GNB1L: variants seen among roughly 807,000 people sequenced by gnomAD.
GNB1L encodes guanine nucleotide-binding protein subunit beta-like protein 1.
In GNB1L, 20 loss-of-function variants were observed where a neutral mutation model predicts 29.1. The ratio of observed to expected loss-of-function variants is 0.69; its 90% CI spans 0.48 to 1.00. The LOEUF (loss-of-function observed/expected upper bound fraction) is 1.00. Among genes scored for constraint, GNB1L ranks in the 50% least tolerant of loss-of-function variants. GNB1L has a pLI of 0.00. For synonymous variants in GNB1L, 193 were observed against 206.5 expected (o/e 0.93, Z 0.56); for missense variants, 421 against 464.9 (o/e 0.91, Z 0.87).
intron 7 of GNB1L, among the ~76,000 whole-genome samples, chr22:19,798,660 C>T (rs1003825372): frequency 4.6e-5 from 7 of 152,164 alleles, no homozygotes; most frequent in Non-Finnish European, 7.4e-5. Flanking sequence ...ACCAGCCAGG[C>T]GGCCACTGCC....
intron 2 of GNB1L, among the ~76,000 whole-genome samples, chr22:19,835,747 C>A (rs1200996988): frequency 6.6e-6 from 1 of 151,968 alleles, no homozygotes; most frequent in Non-Finnish European, 1.5e-5. Flanking sequence ...AACTGGAAAT[C>A]AATAACAGCA....
At chr22:19,853,728 G>C (rs1231849640) in intron 2 of GNB1L, among the ~76,000 whole-genome samples, 2 of 151,746 alleles carry the variant, frequency 1.3e-5, no homozygotes, top group Non-Finnish European at 2.9e-5. Context: ...TGGGGGGGGG[G>C]TCTTCACCTG....
chr22:19,827,735 C>A (rs1242004890), intron 2 of GNB1L, among the ~76,000 whole-genome samples: 1 of 152,176 alleles, frequency 6.6e-6, no homozygotes, highest in Non-Finnish European at 1.5e-5. Context: ...TTCTACCATG[C>A]TAGAAGGAGC....
intron 2 of GNB1L, chr22:19,851,846 A>G: frequency 6.2e-7 from 1 of 1,613,992 alleles, no homozygotes; most frequent in Non-Finnish European, 8.5e-7. Context: ...GATCTCGCAG[A>G]CACGGCTGAT....
chr22:19,851,561 A>G, intron 2 of GNB1L: 1 of 1,612,786 alleles, frequency 6.2e-7, no homozygotes. Context: ...GGCGGCTGGT[A>G]AAGACCTGGG....
At chr22:19,821,396 TGTGA>T in intron 2 of GNB1L, 21 bp from the exon 3 acceptor site, 1 of 1,604,038 alleles carries the variant, frequency 6.2e-7, no homozygotes, top group Non-Finnish European at 8.5e-7. Flanking sequence ...AGGGAGGGCG[TGTGA>T]GTGACTGCGT....
intron 2 of GNB1L, among the ~76,000 whole-genome samples, chr22:19,825,536 A>T (rs1937613577): frequency 6.8e-6 from 1 of 147,702 alleles, no homozygotes; most frequent in Admixed American, 6.7e-5. Context: ...GTGGGAGGAT[A>T]GCTTGAGCCC....
chr22:19,801,324 C>T (rs1351570420), intron 7 of GNB1L, among the ~76,000 whole-genome samples: 1 of 152,186 alleles, frequency 6.6e-6, no homozygotes, highest in East Asian at 1.9e-4. Context: ...CTCTGCAGCC[C>T]CTGAGACTTG....
chr22:19,843,558 C>G (rs1429917236), intron 2 of GNB1L, among the ~76,000 whole-genome samples: 2 of 152,326 alleles, frequency 1.3e-5, no homozygotes, highest in East Asian at 3.9e-4. Context: ...GGTATGCCCC[C>G]CAAGAACTCC....
At chr22:19,851,887 C>T (rs1569058583) in intron 2 of GNB1L, 12 of 1,614,060 alleles carry the variant, frequency 7.4e-6, no homozygotes, top group Non-Finnish European at 8.5e-6. Flanking sequence ...AGTGGAAGGA[C>T]ATGTAATCGC....
intron 7 of GNB1L, among the ~76,000 whole-genome samples, chr22:19,798,855 G>A (rs1414605090): frequency 2.6e-5 from 4 of 152,254 alleles, no homozygotes; most frequent in Non-Finnish European, 5.9e-5. Flanking sequence ...CTGAAGAAGA[G>A]GAGGACTGGT....
At chr22:19,849,369 GTTGTT>G (rs1938039717) in intron 2 of GNB1L, 5 of 864,346 alleles carry the variant, frequency 5.8e-6, no homozygotes, top group Non-Finnish European at 5.5e-6. Flanking sequence ...TTTGTTTTTT[GTTGTT>G]TTTTTTTTTT....
chr22:19,801,848 C>T (rs962404962), intron 7 of GNB1L, among the ~76,000 whole-genome samples, 153 bp downstream of exon 7: 26 of 152,178 alleles, frequency 1.7e-4, no homozygotes, highest in Non-Finnish European at 1.5e-4. Context: ...CTTCTTCCTG[C>T]GCCAGCCATG....
chr22:19,806,279 C>T (rs1380002437), intron 6 of GNB1L, among the ~76,000 whole-genome samples: 1 of 152,256 alleles, frequency 6.6e-6, no homozygotes, highest in African/African-American at 2.4e-5. Flanking sequence ...AGGCTTGCTG[C>T]AGTTAGTCAG....
chr22:19,827,291 T>C (rs540113673), intron 2 of GNB1L, among the ~76,000 whole-genome samples: 2 of 152,300 alleles, frequency 1.3e-5, no homozygotes, highest in South Asian at 4.1e-4. Context: ...TCTCTACCTA[T>C]CTATGTATGA....
At position 19,785,062 on chromosome 22, in the gene GNB1L, T is replaced by G. The variant is rs1210897838; in HGVS notation, c.*3647A>C. Reference sequence around the variant, plus strand: ...GCCCTGAGCAGAGGACCAGCTACGTTGTGCCCGTGCCTCGACACATGGAAA... The same window carrying G: ...GCCCTGAGCAGAGGACCAGCTACGTGGTGCCCGTGCCTCGACACATGGAAA... On this transcript the variant is annotated 3_prime_UTR_variant, in exon 8 of 8. Coordinates refer to ENST00000329517, the MANE Select transcript of GNB1L (RefSeq NM_053004.3). This position sits in a 1 kb window ranked among gnomAD's most constrained non-coding sequence, Gnocchi z 4.1. 6.6e-6 allele frequency: 1 copy of G among 152,234 alleles called. No homozygotes were observed. Among genetic ancestry groups the G allele is most frequent in the Non-Finnish European group, 1.5e-5 (1 of 68,072 alleles). 9.4% of individuals were successfully genotyped at this position (152,234 alleles called of 1,614,324 possible).
intron 2 of GNB1L, chr22:19,852,306 T>A (rs1343336221): frequency 1.9e-6 from 3 of 1,561,126 alleles, no homozygotes; most frequent in Non-Finnish European, 2.6e-6. Flanking sequence ...CACTGGTGGG[T>A]GGTGGGGGTG....
chr22:19,805,392 C>T (rs543523275), intron 6 of GNB1L, among the ~76,000 whole-genome samples: 51 of 152,338 alleles, frequency 3.3e-4, no homozygotes, highest in African/African-American at 1.2e-3. Flanking sequence ...CAGGCCCATC[C>T]GGTCTCGCTC....
intron 5 of GNB1L, among the ~76,000 whole-genome samples, chr22:19,808,203 G>A (rs1273853320): frequency 3.3e-5 from 5 of 152,290 alleles, no homozygotes; most frequent in Middle Eastern, 3.4e-3. Flanking sequence ...CACAGATCTA[G>A]GCCCCACACA....
Sources: allele counts gnomAD v4.1 joint callset (sites outside exome capture counted in the v4.1 genomes callset), GRCh38; gene constraint gnomAD v4.1.1; non-coding constraint Gnocchi (gnomAD v3.1); transcripts MANE v1.5; gene names NCBI Gene and HGNC (gene_info 2026-07-23, HGNC 2026-07-21).